The following WLS variants were observed in gnomAD, a reference collection of about 807,000 sequenced individuals.
The protein encoded by WLS is protein wntless homolog.
In WLS, 23 loss-of-function variants were observed where a neutral mutation model predicts 62.8. That is an observed-to-expected ratio of 0.37 (90% CI 0.26 to 0.52). The LOEUF is 0.52. WLS is among the 20% of genes least tolerant of loss of function. The pLI, the probability that WLS is intolerant of heterozygous loss-of-function variation, is 0.92. For missense variants in WLS, 615 were observed against 697.3 expected (o/e 0.88, Z 1.33); for synonymous variants, 246 against 244.1 (o/e 1.01, Z -0.07).
At chr1:68,148,341 G>A in intron 7 of WLS, 142 bp from the exon 8 acceptor site, 3 of 942,216 alleles carry the variant, frequency 3.2e-6, no homozygotes, top group South Asian at 1.6e-5. Context: ...ATCCTAAAGA[G>A]AAATGAAGCT....
At chr1:68,189,951 G>A (rs12087197) in intron 2 of WLS, among the ~76,000 whole-genome samples, 5,716 of 152,272 alleles carry the variant, frequency 0.038, 351 homozygotes, top group African/African-American at 0.13. Flanking sequence ...AGAGATTGCC[G>A]TGAACCAAGA....
chr1:68,227,421 AAAAAG>A (rs1290220351), intron 1 of WLS, among the ~76,000 whole-genome samples: 2 of 150,838 alleles, frequency 1.3e-5, no homozygotes, highest in East Asian at 3.9e-4. Context: ...AAAAAAAAAA[AAAAAG>A]AGCAATTAGA....
intron 2 of WLS, among the ~76,000 whole-genome samples, chr1:68,184,956 A>C (rs184097977): frequency 7.9e-5 from 12 of 152,352 alleles, no homozygotes; most frequent in African/African-American, 2.4e-4. Flanking sequence ...CAAACAAAAA[A>C]AACACTTTTT....
intron 2 of WLS, chr1:68,161,881 T>C (rs1570921188): frequency 6.2e-7 from 1 of 1,608,942 alleles, no homozygotes. Flanking sequence ...GATGATCCCT[T>C]CCACGGCTGC....
chr1:68,186,135 T>C (rs1189056992), intron 2 of WLS, among the ~76,000 whole-genome samples: 1 of 152,184 alleles, frequency 6.6e-6, no homozygotes, highest in African/African-American at 2.4e-5. Flanking sequence ...TATAATGCCA[T>C]CATTTTTCTC....
chr1:68,196,072 T>A (rs1424028327), intron 1 of WLS, among the ~76,000 whole-genome samples: 1 of 151,672 alleles, frequency 6.6e-6, no homozygotes, highest in African/African-American at 2.4e-5. Flanking sequence ...TTTATCAATA[T>A]CTGCTAGAGT....
chr1:68,172,219 G>A (rs1184995969), intron 2 of WLS, among the ~76,000 whole-genome samples: 1 of 151,822 alleles, frequency 6.6e-6, no homozygotes, highest in Admixed American at 6.6e-5. Flanking sequence ...TAGATGACGG[G>A]TTGATGGGTA....
chr1:68,117,136 C>T (rs1174851350), intron 11 of WLS, among the ~76,000 whole-genome samples: 2 of 152,114 alleles, frequency 1.3e-5, no homozygotes, highest in African/African-American at 2.4e-5. Flanking sequence ...TCATATTTCC[C>T]CCTGCCCCCA....
At chr1:68,127,811 A>C (rs551513531) in intron 11 of WLS, among the ~76,000 whole-genome samples, 40 of 152,312 alleles carry the variant, frequency 2.6e-4, no homozygotes, top group Non-Finnish European at 5.6e-4. Flanking sequence ...TAATCTTATC[A>C]CTAATTTAAG....
chr1:68,227,648 A>G (rs1206170655), intron 1 of WLS, among the ~76,000 whole-genome samples: 1 of 152,148 alleles, frequency 6.6e-6, no homozygotes. Flanking sequence ...AGATACTTCT[A>G]GTAGTTAACA....
intron 1 of WLS, among the ~76,000 whole-genome samples, chr1:68,201,448 T>C (rs990949027): frequency 2.0e-5 from 3 of 152,244 alleles, no homozygotes; most frequent in African/African-American, 4.8e-5. Context: ...CCACCTACTT[T>C]GAAGAGAAGA....
chr1:68,160,103 G>A (rs568564995), intron 2 of WLS, among the ~76,000 whole-genome samples: 1 of 103,178 alleles, frequency 9.7e-6, no homozygotes, highest in Admixed American at 1.2e-4. Flanking sequence ...TGAGTATAAA[G>A]GTTTAATTCT....
At chr1:68,175,276 C>A (rs1241464387) in intron 2 of WLS, among the ~76,000 whole-genome samples, 1 of 152,170 alleles carries the variant, frequency 6.6e-6, no homozygotes, top group African/African-American at 2.4e-5. Context: ...CAGATGCCAG[C>A]CAGATGGAAA....
intron 2 of WLS, among the ~76,000 whole-genome samples, chr1:68,191,297 A>G (rs1648288914): frequency 6.6e-6 from 1 of 152,120 alleles, no homozygotes; most frequent in African/African-American, 2.4e-5. Flanking sequence ...AAACATACAT[A>G]AATCAGGTAA....
At chr1:68,150,394 A>T (rs754156802) in intron 5 of WLS, 38 bp from the exon 6 acceptor site, 33 of 1,605,824 alleles carry the variant, frequency 2.1e-5, no homozygotes, top group Middle Eastern at 1.7e-4. Flanking sequence ...CACTTTATTC[A>T]TCTGGAAGGC....
At chr1:68,151,259 G>A (rs1646821915) in intron 5 of WLS, among the ~76,000 whole-genome samples, 1 of 152,170 alleles carries the variant, frequency 6.6e-6, no homozygotes, top group Non-Finnish European at 1.5e-5. Context: ...AGAACCTGCT[G>A]CATTTGGGGA....
At chr1:68,119,877 A>G (rs1287906329) in intron 11 of WLS, among the ~76,000 whole-genome samples, 5 of 152,204 alleles carry the variant, frequency 3.3e-5, no homozygotes, top group Non-Finnish European at 5.9e-5. Flanking sequence ...TCCTGTGTGT[A>G]GTTCACTTTC....
intron 3 of WLS, among the ~76,000 whole-genome samples, chr1:68,158,793 G>T (rs1367456): frequency 6.2e-4 from 95 of 152,196 alleles, no homozygotes; most frequent in African/African-American, 2.2e-3. Context: ...GACAGATTAT[G>T]TAAGCTTACC....
At chr1:68,213,111 T>C (rs577414335) in intron 1 of WLS, among the ~76,000 whole-genome samples, 12 of 152,200 alleles carry the variant, frequency 7.9e-5, no homozygotes, top group African/African-American at 2.6e-4. Context: ...CATGCCTCTG[T>C]TTTTATTTGC....
Sources: gnomAD v4.1 joint callset for allele counts (sites outside exome capture counted in the v4.1 genomes callset) on GRCh38, gnomAD v4.1.1 for gene constraint, MANE v1.5 for transcripts, NCBI Gene and HGNC (gene_info 2026-07-23, HGNC 2026-07-21) for gene names.